TTBK1: variants seen among roughly 807,000 people sequenced by gnomAD.
TTBK1 encodes the protein tau tubulin kinase 1.
A neutral mutation model predicts 108.5 loss-of-function variants in TTBK1; 34 were observed. The observed-to-expected ratio is 0.31, with a 90% CI of 0.24 to 0.42. The LOEUF (loss-of-function observed/expected upper bound fraction) is 0.42. TTBK1 is among the 10% of genes least tolerant of loss of function. The pLI, the probability that TTBK1 is intolerant of heterozygous loss-of-function variation, is 1.00. For synonymous variants in TTBK1, 809 were observed against 795.1 expected (o/e 1.02, Z -0.29); for missense variants, 1,539 against 1,826.0 (o/e 0.84, Z 2.86).
At position 43,243,694 on chromosome 6, in the gene TTBK1, G is replaced by GC. The variant is rs1777013718; in HGVS notation, c.-68dup. On this transcript the variant is annotated 5_prime_UTR_variant, in exon 1 of 15. The change abolishes the stop of an existing upstream ORF in the 5' untranslated region. Coordinates refer to ENST00000259750, the MANE Select transcript of TTBK1 (RefSeq NM_032538.3). This position sits in a 1 kb window ranked among gnomAD's most constrained non-coding sequence, Gnocchi z 5.5. ...CGCCGCCGCCGCAGCCGCAGCCGCA[G>GC]CGGGCACAGAGCAGGTGAGGCGGGG... The GC allele has an allele frequency of 2.0e-5, 3 of 153,374 alleles. No homozygotes were observed. The highest frequency in any genetic ancestry group is 7.3e-5 in the African/African-American group (3 of 41,350). 9.5% of individuals were successfully genotyped at this position (153,374 alleles called of 1,614,324 possible). A position where few individuals can be genotyped will look rare whatever the true frequency, so the allele number is the denominator to read the frequency against.
At chr6:43,246,898 C>CT (rs1402302470) in intron 2 of TTBK1, 130 bp downstream of exon 2, 2 of 646,676 alleles carry the variant, frequency 3.1e-6, no homozygotes, top group African/African-American at 3.7e-5. Context: ...CATTTGCATA[C>CT]TGCTTGCATG....
chr6:43,263,125 G>T lies in TTBK1; in HGVS notation c.1761G>T (p.Leu587=), dbSNP rs1418577420. 1 of 1,568,760 alleles carries T rather than the reference G, an allele frequency of 6.4e-7. No homozygotes were observed. The change falls in exon 13 of 15, where the codon CTG becomes CTT. Residue 587 remains leucine (L), a synonymous_variant. Transcript: ENST00000259750. The surrounding 1 kb of genome is among the most constrained non-coding windows in gnomAD (Gnocchi z 4.7). ...AGGAGGGCGAAGAGCGGCGGCGGCT[G>T]GGGGCAGAGCCCACCGTCCGGCCCC... ...LPEEGEERRR[L]GAEPTVRPRG...
chr6:43,246,286 A>G lies in TTBK1; in HGVS notation c.-54-321A>G, dbSNP rs549458749. 1.6e-4 allele frequency among the ~76,000 whole-genome samples: 24 copies of G among 152,330 alleles called. No individual in the cohort carries two copies. In the East Asian group the frequency reaches 4.4e-3, roughly 28 times the overall value. ...CCTCCCCTACAAGGGAAAGGGTCCC[A>G]GTCTGGTATGCCCCCTTGGTCAGCA... On this transcript the variant is annotated intron_variant, in intron 1 of 14. Transcript: ENST00000259750.
chr6:43,263,245 C>T lies in TTBK1; in HGVS notation c.1881C>T (p.Ser627=), dbSNP rs371012102. ...PPQLSQGDGR[S]ETSQPPTPGS... is the part of the protein sequence containing the mutation. Reference sequence around the variant, plus strand: ...AGCTGAGCCAGGGCGATGGCCGTTCCGAGACGTCACAGCCCCCCACGCCTG... The same window carrying T: ...AGCTGAGCCAGGGCGATGGCCGTTCTGAGACGTCACAGCCCCCCACGCCTG... The change falls in exon 13 of 15, where the codon TCC becomes TCT. Residue 627 remains serine (S), a synonymous_variant. Transcript: ENST00000259750. This position sits in a 1 kb window ranked among gnomAD's most constrained non-coding sequence, Gnocchi z 4.7. The T allele has an allele frequency of 9.0e-6, 14 of 1,560,666 alleles. No individual in the cohort carries two copies. Among genetic ancestry groups the T allele is most frequent in the African/African-American group, 8.1e-5 (6 of 73,876 alleles).
chr6:43,259,557 C>T lies in TTBK1; in HGVS notation c.1275C>T (p.Ser425=). Reference sequence around the variant, plus strand: ...GCCCCTGTGTGGAGGAGGAACAGAGCCGAGGCATGGGGGTCCCCAGCTCCC... The same window carrying T: ...GCCCCTGTGTGGAGGAGGAACAGAGTCGAGGCATGGGGGTCCCCAGCTCCC... The part of the protein sequence containing the change: ...GKSPCVEEEQ[S]RGMGVPSSPV... Residue 425 remains serine, a synonymous_variant, in exon 12 of 15, where the codon AGC becomes AGT. Transcript: ENST00000259750. The surrounding 1 kb of genome is among the most constrained non-coding windows in gnomAD (Gnocchi z 6.7). 1 of 1,599,160 alleles carries T rather than the reference C, an allele frequency of 6.3e-7. No homozygotes were observed. The highest frequency in any genetic ancestry group is 1.7e-4 in the Middle Eastern group (1 of 5,952).
At position 43,266,039 on chromosome 6, in the gene TTBK1, G is replaced by A. The variant is rs1005273657; in HGVS notation, c.1986+2689G>A. On this transcript the variant is annotated intron_variant, in intron 13 of 14. Coordinates refer to ENST00000259750, the MANE Select transcript of TTBK1 (RefSeq NM_032538.3). Reference sequence around the variant, plus strand: ...CGATTCTGTAATCAGTCTCGGGCTCGGGTCCTGCTTGTGACAGGGACTGGC... The same window carrying A: ...CGATTCTGTAATCAGTCTCGGGCTCAGGTCCTGCTTGTGACAGGGACTGGC... 5.3e-5 allele frequency among the ~76,000 whole-genome samples: 8 copies of A among 152,268 alleles called. No homozygotes were observed. The South Asian group carries it at 1.0e-3, about 20-fold the overall frequency.
chr6:43,253,056 T>C lies in TTBK1; in HGVS notation c.256+170T>C, dbSNP rs1417605050. Among the ~76,000 whole-genome samples the C allele has an allele frequency of 6.6e-6, 1 of 151,846 alleles. No homozygotes were observed. Among genetic ancestry groups the C allele is most frequent in the African/African-American group, 2.4e-5 (1 of 41,302 alleles). ...TGACGGAGCCAGAGTCTAGGAGAGA[T>C]GGGACCGGGGTCTAAGACAGTGATG... On this transcript the variant is annotated intron_variant, in intron 3 of 14. Coordinates refer to ENST00000259750, the MANE Select transcript of TTBK1 (RefSeq NM_032538.3). This position sits in a 1 kb window ranked among gnomAD's most constrained non-coding sequence, Gnocchi z 5.8.
chr6:43,284,169 C>A lies in TTBK1; in HGVS notation c.3429C>A (p.Pro1143=). ...CCTCTGAGCCGGCAGCGGCCTTGCC[C>A]AGGAAGAGCGGGAGGGCAGCCGCCA... ...TPASEPAAAL[P]RKSGRAAATR... Residue 1143 remains proline, a synonymous_variant, in exon 14 of 15, where the codon CCC becomes CCA. Coordinates refer to ENST00000259750, the MANE Select transcript of TTBK1 (RefSeq NM_032538.3). 1 of 1,559,166 alleles carries A rather than the reference C, an allele frequency of 6.4e-7. No individual in the cohort carries two copies. The highest frequency in any genetic ancestry group is 2.4e-5 in the East Asian group (1 of 42,476).
At position 43,285,215 on chromosome 6, in the gene TTBK1, G is replaced by T. The variant is rs923481141; in HGVS notation, c.3805G>T (p.Gly1269Trp). The T allele has an allele frequency of 6.1e-6, 8 of 1,314,756 alleles. No individual in the cohort carries two copies. Among genetic ancestry groups the T allele is most frequent in the Non-Finnish European group, 7.7e-6 (8 of 1,035,760 alleles). The allele number at this position is 1,314,756 out of a possible 1,614,324, so 81.4% of individuals were successfully genotyped here. The change falls in exon 15 of 15, where the codon GGG becomes TGG. Residue 1269 changes from glycine (G) to tryptophan (W), a missense_variant. Physicochemically the swap from Gly to Trp is radical, Grantham distance 184. Around this residue, in one of 5 missense-constraint regions of TTBK1, gnomAD observed 1,055 missense variants for 1,086.5 expected, o/e 0.97. Transcript: ENST00000259750. This position sits in a 1 kb window ranked among gnomAD's most constrained non-coding sequence, Gnocchi z 4.7. ...SPSPSHQARPGVPPPRGVPPA... is the reference protein window; with the variant it reads ...SPSPSHQARPWVPPPRGVPPA... ...CTCCCCCTCGCACCAGGCCCGGCCC[G>T]GGGTCCCCCCGCCCCGGGGCGTCCC...
At chr6:43,255,188 AGGGGTGGGG>A in intron 7 of TTBK1, 74 bp downstream of exon 7, 2 of 246,828 alleles carry the variant, frequency 8.1e-6, no homozygotes, top group Admixed American at 6.1e-5. Flanking sequence ...GCTGCTGGGG[AGGGGTGGGG>A]AGAGGAGAGT....
At position 43,263,696 on chromosome 6, in the gene TTBK1, G is replaced by C. The variant is rs1279070878; in HGVS notation, c.1986+346G>C. Among the ~76,000 whole-genome samples, 1 of 152,230 alleles carries C rather than the reference G, an allele frequency of 6.6e-6. No homozygotes were observed. The highest frequency in any genetic ancestry group is 2.4e-5 in the African/African-American group (1 of 41,456). On this transcript the variant is annotated intron_variant, in intron 13 of 14. Transcript: ENST00000259750. This position sits in a 1 kb window ranked among gnomAD's most constrained non-coding sequence, Gnocchi z 4.7. ...CTGATGGCACACTGCAGCAGACAAG[G>C]CTGTGAGGTCAGCCCTGGGCCCTGC...
intron 13 of TTBK1, among the ~76,000 whole-genome samples, chr6:43,264,218 C>T (rs1217011599): frequency 6.6e-6 from 1 of 151,954 alleles, no homozygotes; most frequent in Non-Finnish European, 1.5e-5. Context: ...CCCATCTTTA[C>T]TAAAAATACA....
rs188797251 is a variant in TTBK1 at position 43,259,474 on chromosome 6, C to T, written c.1249-57C>T. 2.5e-4 allele frequency: 379 copies of T among 1,498,082 alleles called. 1 individual carries two copies. The African/African-American group carries it at 4.5e-3, about 18-fold the overall frequency. 92.8% of individuals were successfully genotyped at this position (1,498,082 alleles called of 1,614,324 possible). ...CTCTGTCTCCTTCACCCTGAGGAGA[C>T]CATCCGCCCACAGCCGCCTCATCAG... On this transcript the variant is annotated intron_variant, in intron 11 of 14. Transcript: ENST00000259750. The surrounding 1 kb of genome is among the most constrained non-coding windows in gnomAD (Gnocchi z 6.7).
intron 13 of TTBK1, among the ~76,000 whole-genome samples, chr6:43,264,478 G>A (rs1206862606): frequency 1.3e-5 from 2 of 152,140 alleles, no homozygotes; most frequent in Non-Finnish European, 2.9e-5. Context: ...GAGGGATCTC[G>A]CCTGGAAATA....
intron 1 of TTBK1, 78 bp from the exon 2 acceptor site, chr6:43,246,529 T>G: frequency 1.7e-6 from 1 of 605,224 alleles, no homozygotes; most frequent in East Asian, 2.9e-5. Flanking sequence ...AGAGCAGGAG[T>G]GGAGCTCCTC....
chr6:43,259,798 G>A lies in TTBK1; in HGVS notation c.1424+92G>A. The A allele has an allele frequency of 2.3e-6, 3 of 1,329,152 alleles. No homozygotes were observed. The East Asian group carries it at 8.0e-5, about 35-fold the overall frequency. 82.3% of individuals were successfully genotyped at this position (1,329,152 alleles called of 1,614,324 possible). A position where few individuals can be genotyped will look rare whatever the true frequency, so the allele number is the denominator to read the frequency against. ...AGGAAAAGTTAGATGTGTGGCGGAG[G>A]TGGGCAGACCCTGGGAAGTGCTGAG... On this transcript the variant is annotated intron_variant, in intron 12 of 14. Coordinates refer to ENST00000259750, the MANE Select transcript of TTBK1 (RefSeq NM_032538.3). This position sits in a 1 kb window ranked among gnomAD's most constrained non-coding sequence, Gnocchi z 6.7.
intron 9 of TTBK1, among the ~76,000 whole-genome samples, chr6:43,256,640 A>G (rs1282114738): frequency 6.6e-6 from 1 of 152,144 alleles, no homozygotes; most frequent in African/African-American, 2.4e-5. Flanking sequence ...TCAGTAGGCT[A>G]AAGTGTAAGA....
Position 43,283,356 on chromosome 6 carries a change from C to T in TTBK1, c.2616C>T (p.Pro872=). 1 of 1,595,334 alleles carries T rather than the reference C, an allele frequency of 6.3e-7. No homozygotes were observed. The highest frequency in any genetic ancestry group is 8.5e-7 in the Non-Finnish European group (1 of 1,171,036). Residue 872 remains proline (P), a synonymous_variant, in exon 14 of 15, where the codon CCC becomes CCT. Transcript: ENST00000259750. The surrounding 1 kb of genome is among the most constrained non-coding windows in gnomAD (Gnocchi z 8.1). ...CCCTCACTCCTCAGCATGAGCGGCCCCAGCCCACGGGCAGCCAGCTGGACG... is the reference window on the plus strand; with the variant it reads ...CCCTCACTCCTCAGCATGAGCGGCCTCAGCCCACGGGCAGCCAGCTGGACG... ...LAALTPQHER[P]QPTGSQLDVS... is the part of the protein sequence containing the mutation.
intron 10 of TTBK1, among the ~76,000 whole-genome samples, chr6:43,258,715 A>T (rs1001682066): frequency 6.6e-6 from 1 of 152,230 alleles, no homozygotes; most frequent in Non-Finnish European, 1.5e-5. Flanking sequence ...TCCTTTTTAG[A>T]CCCATTCCTG....
Sources: allele counts gnomAD v4.1 joint callset (sites outside exome capture counted in the v4.1 genomes callset), GRCh38; gene constraint gnomAD v4.1.1; regional missense constraint gnomAD v4.1.1; non-coding constraint Gnocchi (gnomAD v3.1); transcripts MANE v1.5; gene names NCBI Gene and HGNC (gene_info 2026-07-23, HGNC 2026-07-21).